The following KRTAP10-4 variants were observed in gnomAD, a reference collection of about 807,000 sequenced individuals.
KRTAP10-4 encodes keratin-associated protein 10-4.
For missense variants in KRTAP10-4, 374 were observed against 507.6 expected, an observed-to-expected ratio of 0.74 and a Z score of 2.53; for synonymous variants, 147 against 213.7, an observed-to-expected ratio of 0.69 and a Z score of 2.72.
chr21:44,573,798 G>C lies in KRTAP10-4; in HGVS notation c.40G>C (p.Val14Leu). 4 of 1,613,790 alleles carry C rather than the reference G, an allele frequency of 2.5e-6. No homozygotes were observed. Among genetic ancestry groups the C allele is most frequent in the Non-Finnish European group, 3.4e-6 (4 of 1,179,998 alleles). ...CAGCGACCTGAGCTACAGCAGCCGC[G>C]TCTGCCTTCCTGGTTCCTGTGACTC... Reference protein sequence around the residue: ...CSSDLSYSSRVCLPGSCDSCS... With the variant: ...CSSDLSYSSRLCLPGSCDSCS... The change falls in exon 1 of 1, where the codon GTC (valine) becomes CTC (leucine). Residue 14 changes from valine to leucine, a missense_variant. Transcript: ENST00000400374.
In KRTAP10-4 at chr21:44,575,016, C is replaced by T. The variant is rs1569196041; in HGVS notation, c.*52C>T. The T allele has an allele frequency of 1.9e-6, 3 of 1,596,486 alleles. No homozygotes were observed. The highest frequency in any genetic ancestry group is 4.5e-5 in the East Asian group (2 of 44,712). Reference sequence around the variant, plus strand: ...CTGAGGCCTCCGCTCAGGTCAGAAGCCCAGCTGCTGATGGACACGCCCCCC... The same window carrying T: ...CTGAGGCCTCCGCTCAGGTCAGAAGTCCAGCTGCTGATGGACACGCCCCCC... On this transcript the variant is annotated 3_prime_UTR_variant, in exon 1 of 1. Transcript: ENST00000400374.
chr21:44,574,601 C>G lies in KRTAP10-4; in HGVS notation c.843C>G (p.Cys281Trp), dbSNP rs1555923488. The change falls in exon 1 of 1, where the codon TGC becomes TGG. Residue 281 changes from cysteine (C) to tryptophan (W), a missense_variant. By Grantham distance (215) the Cys-to-Trp change is radical. Transcript: ENST00000400374. ...CTGTCTGCTGCAAGCCTGTGTGCTG[C>G]AAGCCTGTCTGCTCTGTGCCCATCT... Reference protein sequence around the residue: ...CVPVCCKPVCCKPVCSVPICS... With the variant: ...CVPVCCKPVCWKPVCSVPICS... 1 of 1,298,038 alleles carries G rather than the reference C, an allele frequency of 7.7e-7. No homozygotes were observed. The highest frequency in any genetic ancestry group is 1.0e-6 in the Non-Finnish European group (1 of 974,072). The allele number at this position is 1,298,038 out of a possible 1,614,324, so 80.4% of individuals were successfully genotyped here.
In KRTAP10-4 at chr21:44,574,771, C is replaced by T. The variant is rs1978322753; in HGVS notation, c.1013C>T (p.Ser338Leu). 6.2e-7 allele frequency: 1 copy of T among 1,614,002 alleles called. No homozygotes were observed. The highest frequency in any genetic ancestry group is 8.5e-7 in the Non-Finnish European group (1 of 1,179,974). ...CVPVCSGASS[S>L]CCQQSSCQPA... ...CCTGTTTGCTCTGGGGCTTCCTCTT[C>T]ATGCTGCCAGCAATCTAGCTGCCAG... The change falls in exon 1 of 1, where the codon TCA becomes TTA. Residue 338 changes from serine to leucine, a missense_variant. Ser to Leu is a moderately radical substitution (Grantham distance 145). Transcript: ENST00000400374.
At position 44,574,417 on chromosome 21, in the gene KRTAP10-4, C is replaced by A. The variant is rs1555923367; in HGVS notation, c.659C>A (p.Thr220Asn). The A allele has an allele frequency of 3.1e-6, 5 of 1,603,622 alleles. No homozygotes were observed. The highest frequency in any genetic ancestry group is 4.6e-5 in the East Asian group (2 of 43,568). The change falls in exon 1 of 1, where the codon ACC becomes AAC. Residue 220 changes from threonine to asparagine, a missense_variant. By Grantham distance (65) the Thr-to-Asn change is moderately conservative. Coordinates refer to ENST00000400374, the MANE Select transcript of KRTAP10-4 (RefSeq NM_198687.2). ...TCTAGCTGCCAGCCGGCTTGCTGCA[C>A]CTCCTCCTCCTGCCAGCAGGCCTGC... is the stretch of plus-strand genomic sequence containing the variant. ...QQSSCQPACCTSSSCQQACCV... is the reference protein window; with the variant it reads ...QQSSCQPACCNSSSCQQACCV...
rs375001728 is a variant in KRTAP10-4 at position 44,574,261 on chromosome 21, T to C, written c.503T>C (p.Ile168Thr). The change falls in exon 1 of 1, where the codon ATT (isoleucine) becomes ACT (threonine). Residue 168 changes from isoleucine (I) to threonine (T), a missense_variant. By Grantham distance (89) the Ile-to-Thr change is moderately conservative (BLOSUM62 -1). Coordinates refer to ENST00000400374, the MANE Select transcript of KRTAP10-4 (RefSeq NM_198687.2). ...PICCKPVCSG[I>T]SSSCCQQSSC... is the part of the protein sequence containing the mutation. ...TGCTGCAAGCCTGTCTGCTCTGGGA[T>C]TTCCTCTTCGTGCTGCCAGCAGTCT... 911 of 1,568,310 alleles carry C rather than the reference T, an allele frequency of 5.8e-4. No individual in the cohort carries two copies. The African/African-American group carries it at 0.012, about 21-fold the overall frequency.
In KRTAP10-4 at chr21:44,574,540, G is replaced by T. The variant is rs782107778; in HGVS notation, c.782G>T (p.Cys261Phe). 2.1e-5 allele frequency: 33 copies of T among 1,609,356 alleles called. No homozygotes were observed. The highest frequency in any genetic ancestry group is 2.8e-5 in the African/African-American group (2 of 72,270). Residue 261 changes from cysteine to phenylalanine, a missense_variant, in exon 1 of 1, where the codon TGC becomes TTC. Physicochemically the swap from Cys to Phe is radical, Grantham distance 205. Coordinates refer to ENST00000400374, the MANE Select transcript of KRTAP10-4 (RefSeq NM_198687.2). ...CAGTCTAGCTGCCAGCCGGCTTGCT[G>T]CACCTCCTCTCCCTGCCAGCAGGCT... is the stretch of plus-strand genomic sequence containing the variant. ...CQQSSCQPACCTSSPCQQACC... is the reference protein window; with the variant it reads ...CQQSSCQPACFTSSPCQQACC...
In KRTAP10-4 at chr21:44,574,401, C is replaced by A. The variant is rs62220884; in HGVS notation, c.643C>A (p.Gln215Lys). 1.0e-4 allele frequency: 167 copies of A among 1,602,798 alleles called. No individual in the cohort carries two copies. Among genetic ancestry groups the A allele is most frequent in the South Asian group, 1.3e-4 (12 of 90,554 alleles). ...CTCGTGCTGCCAGCAGTCTAGCTGC[C>A]AGCCGGCTTGCTGCACCTCCTCCTC... ...TPSCCQQSSCQPACCTSSSCQ... is the reference protein window; with the variant it reads ...TPSCCQQSSCKPACCTSSSCQ... The change falls in exon 1 of 1, where the codon CAG becomes AAG. Residue 215 changes from glutamine to lysine, a missense_variant. Coordinates refer to ENST00000400374, the MANE Select transcript of KRTAP10-4 (RefSeq NM_198687.2).
Position 44,575,019 on chromosome 21 carries a change from A to G in KRTAP10-4, c.*55A>G, listed in dbSNP as rs1555923723. The G allele has an allele frequency of 1.9e-6, 3 of 1,594,904 alleles. No individual in the cohort carries two copies. The highest frequency in any genetic ancestry group is 1.1e-5 in the South Asian group (1 of 87,392). Reference sequence around the variant, plus strand: ...AGGCCTCCGCTCAGGTCAGAAGCCCAGCTGCTGATGGACACGCCCCCCAGT... The same window carrying G: ...AGGCCTCCGCTCAGGTCAGAAGCCCGGCTGCTGATGGACACGCCCCCCAGT... On this transcript the variant is annotated 3_prime_UTR_variant, in exon 1 of 1. Coordinates refer to ENST00000400374, the MANE Select transcript of KRTAP10-4 (RefSeq NM_198687.2).
At position 44,574,941 on chromosome 21, in the gene KRTAP10-4, G is replaced by A; in HGVS notation, c.1183G>A (p.Ala395Thr). Residue 395 changes from alanine to threonine, a missense_variant, in exon 1 of 1, where the codon GCC becomes ACC. Coordinates refer to ENST00000400374, the MANE Select transcript of KRTAP10-4 (RefSeq NM_198687.2). Reference sequence around the variant, plus strand: ...CTGCCAACCCAGCTGCTGCCGCCCAGCCTCCTGCGTGTCCCTCCTCTGACG... The same window carrying A: ...CTGCCAACCCAGCTGCTGCCGCCCAACCTCCTGCGTGTCCCTCCTCTGACG... ...SSCQPSCCRP[A>T]SCVSLL The A allele has an allele frequency of 6.2e-7, 1 of 1,604,784 alleles. No homozygotes were observed. Among genetic ancestry groups the A allele is most frequent in the South Asian group, 1.1e-5 (1 of 90,048 alleles).
At position 44,575,111 on chromosome 21, in the gene KRTAP10-4, C is replaced by T; in HGVS notation, c.*147C>T. 2 of 1,168,108 alleles carry T rather than the reference C, an allele frequency of 1.7e-6. No individual in the cohort carries two copies. Among genetic ancestry groups the T allele is most frequent in the South Asian group, 3.0e-5 (2 of 66,212 alleles). The allele number at this position is 1,168,108 out of a possible 1,614,324, so 72.4% of individuals were successfully genotyped here. On this transcript the variant is annotated 3_prime_UTR_variant, in exon 1 of 1. Coordinates refer to ENST00000400374, the MANE Select transcript of KRTAP10-4 (RefSeq NM_198687.2). The stretch of plus-strand genomic sequence containing the variant: ...TCCTGAATTGCTCCTGCACTTTGAC[C>T]ATTTCCTGGTGTCTGCTGTTGAGCT...
the KRTAP10-4 span, chr21:44,574,170 C>T: frequency 4.4e-6 from 7 of 1,601,560 alleles, no homozygotes; most frequent in Non-Finnish European, 6.0e-6. Context: ...ATGCTGCCAG[C>T]AGTCTAGCTG....
Position 44,575,095 on chromosome 21 carries a change from G to T in KRTAP10-4, c.*131G>T. 1.5e-6 allele frequency: 2 copies of T among 1,334,930 alleles called. No individual in the cohort carries two copies. The highest frequency in any genetic ancestry group is 2.1e-6 in the Non-Finnish European group (2 of 974,394). The allele number at this position is 1,334,930 out of a possible 1,614,324, so 82.7% of individuals were successfully genotyped here. On this transcript the variant is annotated 3_prime_UTR_variant, in exon 1 of 1. Transcript: ENST00000400374. ...AAAGCTGATAGTCGCGTCCTGAATTGCTCCTGCACTTTGACCATTTCCTGG... is the reference window on the plus strand; with the variant it reads ...AAAGCTGATAGTCGCGTCCTGAATTTCTCCTGCACTTTGACCATTTCCTGG...
Position 44,574,667 on chromosome 21 carries a change from C to T in KRTAP10-4, c.909C>T (p.Cys303=), listed in dbSNP as rs200495417. 1.9e-6 allele frequency: 3 copies of T among 1,602,986 alleles called. No homozygotes were observed. Among genetic ancestry groups the T allele is most frequent in the Non-Finnish European group, 2.6e-6 (3 of 1,173,624 alleles). The change falls in exon 1 of 1, where the codon TGC becomes TGT. Residue 303 remains cysteine, a synonymous_variant. Coordinates refer to ENST00000400374, the MANE Select transcript of KRTAP10-4 (RefSeq NM_198687.2). ...CTCTGTGCTGCCAGCAGTCTAGCTG[C>T]CAGCCAGCTTGCTGCACCTCCTCCC... ...ASSLCCQQSS[C]QPACCTSSQS...
At position 44,575,084 on chromosome 21, in the gene KRTAP10-4, C is replaced by G; in HGVS notation, c.*120C>G. 2 of 1,421,780 alleles carry G rather than the reference C, an allele frequency of 1.4e-6. No individual in the cohort carries two copies. Among genetic ancestry groups the G allele is most frequent in the Non-Finnish European group, 1.9e-6 (2 of 1,044,236 alleles). 88.1% of individuals were successfully genotyped at this position (1,421,780 alleles called of 1,614,324 possible). On this transcript the variant is annotated 3_prime_UTR_variant, in exon 1 of 1. Transcript: ENST00000400374. ...GGTCCCACCTGAAAGCTGATAGTCG[C>G]GTCCTGAATTGCTCCTGCACTTTGA...
Position 44,575,034 on chromosome 21 carries a change from C to G in KRTAP10-4, c.*70C>G. 4 of 1,582,366 alleles carry G rather than the reference C, an allele frequency of 2.5e-6. No homozygotes were observed. Among genetic ancestry groups the G allele is most frequent in the Non-Finnish European group, 3.4e-6 (4 of 1,163,234 alleles). Reference sequence around the variant, plus strand: ...TCAGAAGCCCAGCTGCTGATGGACACGCCCCCCAGTGCCAGCCAGGCTCAG... The same window carrying G: ...TCAGAAGCCCAGCTGCTGATGGACAGGCCCCCCAGTGCCAGCCAGGCTCAG... On this transcript the variant is annotated 3_prime_UTR_variant, in exon 1 of 1. Coordinates refer to ENST00000400374, the MANE Select transcript of KRTAP10-4 (RefSeq NM_198687.2).
Position 44,574,314 on chromosome 21 carries a change from T to A in KRTAP10-4, c.556T>A (p.Cys186Ser). Residue 186 changes from cysteine to serine, a missense_variant, in exon 1 of 1, where the codon TGC becomes AGC. Physicochemically the swap from Cys to Ser is moderately radical, Grantham distance 112 (BLOSUM62 -1). Coordinates refer to ENST00000400374, the MANE Select transcript of KRTAP10-4 (RefSeq NM_198687.2). Reference sequence around the variant, plus strand: ...CTGTGTGAGCTGTGTGTCCAGCCCCTGCTGCCAGGCGGTCTGTGAGCCCAG... The same window carrying A: ...CTGTGTGAGCTGTGTGTCCAGCCCCAGCTGCCAGGCGGTCTGTGAGCCCAG... ...SSCVSCVSSP[C>S]CQAVCEPSPC... is the part of the protein sequence containing the mutation. 2 of 1,611,368 alleles carry A rather than the reference T, an allele frequency of 1.2e-6. No homozygotes were observed. Among genetic ancestry groups the A allele is most frequent in the Non-Finnish European group, 1.7e-6 (2 of 1,179,368 alleles).
In KRTAP10-4 at chr21:44,575,034, C is replaced by T. The variant is rs1018697818; in HGVS notation, c.*70C>T. The stretch of plus-strand genomic sequence containing the variant: ...TCAGAAGCCCAGCTGCTGATGGACA[C>T]GCCCCCCAGTGCCAGCCAGGCTCAG... On this transcript the variant is annotated 3_prime_UTR_variant, in exon 1 of 1. Coordinates refer to ENST00000400374, the MANE Select transcript of KRTAP10-4 (RefSeq NM_198687.2). The T allele has an allele frequency of 9.4e-5, 148 of 1,582,246 alleles. No homozygotes were observed. Among genetic ancestry groups the T allele is most frequent in the Admixed American group, 1.0e-4 (6 of 58,184 alleles).
rs782478612 is a variant in KRTAP10-4 at position 44,574,734 on chromosome 21, G to A, written c.976G>A (p.Val326Met). The part of the protein sequence containing the change: ...GCCVPVCCKP[V>M]SCVPVCSGAS... Reference sequence around the variant, plus strand: ...CTGCGTGCCCGTCTGCTGCAAGCCTGTGAGCTGTGTGCCTGTTTGCTCTGG... The same window carrying A: ...CTGCGTGCCCGTCTGCTGCAAGCCTATGAGCTGTGTGCCTGTTTGCTCTGG... Residue 326 changes from valine (V) to methionine (M), a missense_variant, in exon 1 of 1, where the codon GTG becomes ATG. Transcript: ENST00000400374. The A allele has an allele frequency of 1.9e-6, 3 of 1,613,124 alleles. No individual in the cohort carries two copies. The highest frequency in any genetic ancestry group is 2.5e-6 in the Non-Finnish European group (3 of 1,179,486).
Position 44,575,091 on chromosome 21 carries a change from A to T in KRTAP10-4, c.*127A>T. 7.3e-7 allele frequency: 1 copy of T among 1,373,132 alleles called. No individual in the cohort carries two copies. The highest frequency in any genetic ancestry group is 1.4e-5 in the South Asian group (1 of 73,648). The allele number at this position is 1,373,132 out of a possible 1,614,324, so 85.1% of individuals were successfully genotyped here. A position where few individuals can be genotyped will look rare whatever the true frequency, so the allele number is the denominator to read the frequency against. Reference sequence around the variant, plus strand: ...CCTGAAAGCTGATAGTCGCGTCCTGAATTGCTCCTGCACTTTGACCATTTC... The same window carrying T: ...CCTGAAAGCTGATAGTCGCGTCCTGTATTGCTCCTGCACTTTGACCATTTC... On this transcript the variant is annotated 3_prime_UTR_variant, in exon 1 of 1. Coordinates refer to ENST00000400374, the MANE Select transcript of KRTAP10-4 (RefSeq NM_198687.2).
Sources: allele counts gnomAD v4.1 joint callset, GRCh38; gene constraint gnomAD v4.1.1; transcripts MANE v1.5; gene names NCBI Gene and HGNC (gene_info 2026-07-23, HGNC 2026-07-21).